Variants in PIEZO1 observed in about 807,000 individuals in gnomAD.
PIEZO1 encodes the protein piezo type mechanosensitive ion channel component 1 (Er blood group).
PIEZO1 carries 296 observed loss-of-function variants against 297.2 expected under a neutral mutation model. The ratio of observed to expected loss-of-function variants is 1.00; its 90% CI spans 0.91 to 1.10. The LOEUF is 1.10. PIEZO1 is among the 50% of genes least tolerant of loss of function. The probability of loss-of-function intolerance (pLI) is 0.00; values close to 1 mark genes in which losing one functional copy is unlikely to be tolerated. For synonymous variants in PIEZO1, 2,427 were observed against 1,507.5 expected, an observed-to-expected ratio of 1.61 and a Z score of -14.13; for missense variants, 5,018 against 3,455.5, an observed-to-expected ratio of 1.45 and a Z score of -11.34.
In PIEZO1 at chr16:88,721,209, T is replaced by C. The variant is rs1912415770; in HGVS notation, c.5625A>G (p.Arg1875=). Residue 1875 remains arginine, a synonymous_variant, in exon 39 of 51, where the codon AGA becomes AGG. Transcript: ENST00000301015. ...DTRRISLRFR[R]RKKEGPARKG... ...TCCGTGCTGGGCCCTCCTTCTTCCT[T>C]CTTCTAAAACGTAGACTGATGCGCC... 2.0e-6 allele frequency: 3 copies of C among 1,527,844 alleles called. No homozygotes were observed. Among genetic ancestry groups the C allele is most frequent in the African/African-American group, 2.8e-5 (2 of 72,622 alleles). 94.6% of individuals were successfully genotyped at this position (1,527,844 alleles called of 1,614,324 possible).
intron 1 of PIEZO1, among the ~76,000 whole-genome samples, chr16:88,752,539 A>G (rs1016102488): frequency 6.6e-6 from 1 of 152,214 alleles, no homozygotes; most frequent in Admixed American, 6.5e-5. Flanking sequence ...CAGCCCTGAA[A>G]TCTGCAAAGG....
Position 88,716,071 on chromosome 16 carries a change from T to C in PIEZO1, c.7178A>G (p.Gln2393Arg). ...LGVRIQLRRE[Q>R]GAGATGFLEW... is the part of the protein sequence containing the mutation. ...GAGGAAGCCGGTGGCCCCCGCACCC[T>C]GCTCCCTCCGCAGCTGGATACGCAC... The change falls in exon 50 of 51, where the codon CAG becomes CGG. Residue 2393 changes from glutamine to arginine, a missense_variant. Coordinates refer to ENST00000301015, the MANE Select transcript of PIEZO1 (RefSeq NM_001142864.4). 1 of 1,549,958 alleles carries C rather than the reference T, an allele frequency of 6.5e-7. No homozygotes were observed. The highest frequency in any genetic ancestry group is 1.2e-5 in the South Asian group (1 of 84,014).
Position 88,720,600 on chromosome 16 carries a change from G to A in PIEZO1, c.5801+16C>T, listed in dbSNP as rs751343758. 6.2e-5 allele frequency: 54 copies of A among 872,866 alleles called. No homozygotes were observed. Among genetic ancestry groups the A allele is most frequent in the Middle Eastern group, 2.8e-4 (1 of 3,550 alleles). The allele number at this position is 872,866 out of a possible 1,614,324, so 54.1% of individuals were successfully genotyped here. ...CCACCCCCACTCCCCAGCTGCCCCC[G>A]GCCGCCATCACTCACAGGGACAGGC... On this transcript the variant is annotated intron_variant, in intron 40 of 50. Coordinates refer to ENST00000301015, the MANE Select transcript of PIEZO1 (RefSeq NM_001142864.4).
intron 27 of PIEZO1, 192 bp downstream of exon 27, chr16:88,726,092 C>A: frequency 1.7e-6 from 1 of 602,460 alleles, no homozygotes; most frequent in South Asian, 2.0e-5. Flanking sequence ...TCTGACAGAC[C>A]CAGCACTGGG....
At chr16:88,753,715 G>A (rs1906514200) in intron 1 of PIEZO1, among the ~76,000 whole-genome samples, 1 of 152,244 alleles carries the variant, frequency 6.6e-6, no homozygotes, top group Non-Finnish European at 1.5e-5. Context: ...TGTCTATGCA[G>A]CCGGCAGTGC....
At chr16:88,732,241 G>A (rs999698724) in intron 21 of PIEZO1, 94 bp downstream of exon 21, 4 of 1,136,980 alleles carry the variant, frequency 3.5e-6, no homozygotes, top group African/African-American at 3.1e-5. Context: ...GCAAACCCAG[G>A]TGGGGCCAGG....
At chr16:88,757,805 C>T (rs1021796207) in intron 1 of PIEZO1, among the ~76,000 whole-genome samples, 34 of 152,312 alleles carry the variant, frequency 2.2e-4, no homozygotes, top group African/African-American at 7.2e-4. Context: ...GACAGGCGAA[C>T]TGAGCCCAGC....
rs974661825 is a variant in PIEZO1, at chr16:88,753,689, T to C, written c.65-4210A>G. Reference sequence around the variant, plus strand: ...GGGCCACGGCTTTTCGAAACACTCCTTGGATCTACCTGTGCTGTCTATGCA... The same window carrying C: ...GGGCCACGGCTTTTCGAAACACTCCCTGGATCTACCTGTGCTGTCTATGCA... On this transcript the variant is annotated intron_variant, in intron 1 of 50. Coordinates refer to ENST00000301015, the MANE Select transcript of PIEZO1 (RefSeq NM_001142864.4). Among the ~76,000 whole-genome samples, 5 of 152,328 alleles carry C rather than the reference T, an allele frequency of 3.3e-5. No homozygotes were observed. In the Middle Eastern group the frequency reaches 0.01, roughly 311 times the overall value.
In PIEZO1 at chr16:88,733,329, C is replaced by T. The variant is rs893285829; in HGVS notation, c.2613G>A (p.Leu871=). ...WTCVIIVCKM[L]YQLKVVNPQE... ...GGGGGTTGACAACCTTGAGCTGGTACAGCATCTTACACACGATGATGACGC... is the reference window on the plus strand; with the variant it reads ...GGGGGTTGACAACCTTGAGCTGGTATAGCATCTTACACACGATGATGACGC... Residue 871 remains leucine (L), a synonymous_variant, in exon 19 of 51, where the codon CTG becomes CTA. Coordinates refer to ENST00000301015, the MANE Select transcript of PIEZO1 (RefSeq NM_001142864.4). The T allele has an allele frequency of 9.7e-6, 15 of 1,549,996 alleles. No individual in the cohort carries two copies. Among genetic ancestry groups the T allele is most frequent in the Admixed American group, 2.0e-5 (1 of 50,978 alleles).
At chr16:88,764,305 C>G (rs16964958) in intron 1 of PIEZO1, among the ~76,000 whole-genome samples, 28,279 of 152,148 alleles carry the variant, frequency 0.19, 3,722 homozygotes, top group African/African-American at 0.37. Flanking sequence ...TTCCATATAA[C>G]CCATTCTCCA....
rs1904282976 is a variant in PIEZO1 at position 88,722,062 on chromosome 16, G to A, written c.4960C>T (p.Leu1654=). 6 of 1,545,012 alleles carry A rather than the reference G, an allele frequency of 3.9e-6. No homozygotes were observed. Among genetic ancestry groups the A allele is most frequent in the African/African-American group, 1.4e-5 (1 of 72,934 alleles). ...GCCTCCTCCAGCTCTGGGATGCGCAGGCGCCTACAGGGAGACCCGCGTGTT... is the reference window on the plus strand; with the variant it reads ...GCCTCCTCCAGCTCTGGGATGCGCAAGCGCCTACAGGGAGACCCGCGTGTT... ...TASELLLDRR[L]RIPELEEAEL... Residue 1654 remains leucine, a synonymous_variant, in exon 37 of 51, where the codon CTG becomes TTG. Coordinates refer to ENST00000301015, the MANE Select transcript of PIEZO1 (RefSeq NM_001142864.4).
chr16:88,721,652 G>T lies in PIEZO1; in HGVS notation c.5289C>A (p.Tyr1763Ter), dbSNP rs72811487. 4.5e-6 allele frequency: 7 copies of T among 1,549,972 alleles called. No homozygotes were observed. Among genetic ancestry groups the T allele is most frequent in the African/African-American group, 1.4e-5 (1 of 73,046 alleles). Reference protein sequence around the residue: ...PWNSHVVLRRYENKPYFPPRI... With the variant: ...PWNSHVVLRR ...GGGGCGGGAAGTAGGGCTTGTTCTC[G>T]TAGCGCCGCAGCACCACGTGGCTGT... The change falls in exon 38 of 51, where the codon TAC (tyrosine) becomes TAA (stop). Residue 1763 changes from tyrosine (Y) to a stop codon, truncating the protein, a stop_gained. Coordinates refer to ENST00000301015, the MANE Select transcript of PIEZO1 (RefSeq NM_001142864.4). LOFTEE classifies it high-confidence loss of function.
Position 88,736,301 on chromosome 16 carries a change from G to A in PIEZO1, c.1404C>T (p.Pro468=), listed in dbSNP as rs767684149. The stretch of plus-strand genomic sequence containing the variant: ...GCGTCATCCCATACAGCAGGATGCA[G>A]GGCGAGCACAGCATGGCCAGTTGGT... The part of the protein sequence containing the change: ...SRHQLAMLCS[P]CILLYGMTLC... The change falls in exon 12 of 51, where the codon CCC becomes CCT. Residue 468 remains proline (P), a synonymous_variant. Transcript: ENST00000301015. The A allele has an allele frequency of 1.0e-5, 16 of 1,550,116 alleles. 1 individual carries two copies. The South Asian group carries it at 1.7e-4, about 16-fold the overall frequency.
chr16:88,757,713 G>A (rs1597477902), intron 1 of PIEZO1, among the ~76,000 whole-genome samples: 1 of 152,138 alleles, frequency 6.6e-6, no homozygotes, highest in East Asian at 1.9e-4. Context: ...GCGGGCCGGA[G>A]CTGGGCCAGC....
intron 27 of PIEZO1, 150 bp from the exon 28 acceptor site, chr16:88,725,834 C>A (rs774291299): frequency 3.7e-5 from 23 of 620,560 alleles, no homozygotes; most frequent in Non-Finnish European, 6.2e-5. Context: ...GCATCTGCTG[C>A]CCCCACCCTC....
chr16:88,749,097 A>T (rs919151400), intron 2 of PIEZO1, among the ~76,000 whole-genome samples: 2 of 149,120 alleles, frequency 1.3e-5, no homozygotes. Context: ...AAAATAAGCC[A>T]GGCGTGGTGG....
chr16:88,758,812 G>A (rs574217342), intron 1 of PIEZO1, among the ~76,000 whole-genome samples: 46 of 152,356 alleles, frequency 3.0e-4, no homozygotes, highest in African/African-American at 1.1e-3. Flanking sequence ...TCACAGGATT[G>A]TCGCAGAGAC....
In PIEZO1 at chr16:88,733,645, C is replaced by A. The variant is rs1250859559; in HGVS notation, c.2430G>T (p.Leu810=). The A allele has an allele frequency of 6.5e-7, 1 of 1,549,640 alleles. No homozygotes were observed. Among genetic ancestry groups the A allele is most frequent in the African/African-American group, 1.4e-5 (1 of 73,048 alleles). ...SRVQVFLRRL[L]ELHVFKLVAL... The stretch of plus-strand genomic sequence containing the variant: ...CCACCAGCTTGAAAACGTGAAGCTC[C>A]AGCAGCCGCCGCAGGAACACCTGCA... The change falls in exon 18 of 51, where the codon CTG becomes CTT. Residue 810 remains leucine (L), a synonymous_variant. Transcript: ENST00000301015.
At position 88,722,900 on chromosome 16, in the gene PIEZO1, G is replaced by A. The variant is rs1256072485; in HGVS notation, c.4605C>T (p.His1535=). The change falls in exon 34 of 51, where the codon CAC becomes CAT. Residue 1535 remains histidine (H), a synonymous_variant. Transcript: ENST00000301015. ...GCAGCACGTCGCTCATGGTGCCGTG[G>A]TGCCGGGTGAACTCCTGCAGCCAGC... ...LTRWLQEFTR[H]HGTMSDVLRA... The A allele has an allele frequency of 2.6e-6, 4 of 1,549,104 alleles. No homozygotes were observed. Among genetic ancestry groups the A allele is most frequent in the African/African-American group, 2.7e-5 (2 of 73,034 alleles).
Sources: gnomAD v4.1 joint callset for allele counts (sites outside exome capture counted in the v4.1 genomes callset) on GRCh38, gnomAD v4.1.1 for gene constraint, MANE v1.5 for transcripts, NCBI Gene and HGNC (gene_info 2026-07-23, HGNC 2026-07-21) for gene names.